GGA1: variants seen among roughly 807,000 people sequenced by gnomAD.
GGA1 encodes golgi associated, gamma adaptin ear containing, ARF binding protein 1.
GGA1 carries 18 observed loss-of-function variants against 76.9 expected under a neutral mutation model. The observed-to-expected ratio is 0.23, with a 90% confidence interval of 0.16 to 0.35. The LOEUF (loss-of-function observed/expected upper bound fraction) is 0.35. Ranked by LOEUF, GGA1 falls within the 10% of genes least tolerant of loss-of-function variation. GGA1 has a pLI of 1.00. For missense variants in GGA1, 755 were observed against 859.0 expected (o/e 0.88, Z 1.51); for synonymous variants, 342 against 354.7 (o/e 0.96, Z 0.40).
At chr22:37,611,226 A>C (rs937635215) in intron 1 of GGA1, among the ~76,000 whole-genome samples, 15 of 151,912 alleles carry the variant, frequency 9.9e-5, no homozygotes, top group African/African-American at 3.6e-4. Flanking sequence ...CATTTTTCTG[A>C]GGGACTAGAG....
Position 37,629,518 on chromosome 22 carries a change from A to G in GGA1, c.1150A>G (p.Ser384Gly). 2 of 1,578,210 alleles carry G rather than the reference A, an allele frequency of 1.3e-6. No homozygotes were observed. The highest frequency in any genetic ancestry group is 4.8e-5 in the East Asian group (2 of 41,896). Residue 384 changes from serine (S) to glycine (G), a missense_variant, in exon 12 of 17, where the codon AGC (serine) becomes GGC (glycine). Physicochemically the swap from Ser to Gly is moderately conservative, Grantham distance 56. Transcript: ENST00000343632. Reference protein sequence around the residue: ...GPSLDGTGWNSFQSSDATEPP... With the variant: ...GPSLDGTGWNGFQSSDATEPP... ...AAGCCTGGATGGTACCGGATGGAAC[A>G]GCTTCCAGGTAGGAGGGGACCACAA... is the stretch of plus-strand genomic sequence containing the variant.
intron 1 of GGA1, chr22:37,612,881 G>A (rs1927994490): frequency 9.2e-6 from 9 of 981,068 alleles, no homozygotes; most frequent in Non-Finnish European, 8.5e-6. Flanking sequence ...GGGGGTTAAA[G>A]GGGTAGCTGT....
Position 37,608,898 on chromosome 22 carries a change from G to C in GGA1, c.38G>C (p.Arg13Pro). Reference sequence around the variant, plus strand: ...ATGGAGCCGGAGACTCTGGAGGCGCGAATCAGTGAGTGTCCGGGAGGGGCG... The same window carrying C: ...ATGGAGCCGGAGACTCTGGAGGCGCCAATCAGTGAGTGTCCGGGAGGGGCG... ...PAMEPETLEA[R>P]INRATNPLNK... The change falls in exon 1 of 17, where the codon CGA (arginine) becomes CCA (proline). Residue 13 changes from arginine (R) to proline (P), a missense_variant. Physicochemically the swap from Arg to Pro is moderately radical, Grantham distance 103 (BLOSUM62 -2). Transcript: ENST00000343632. 7.6e-7 allele frequency: 1 copy of C among 1,314,428 alleles called. No individual in the cohort carries two copies. The highest frequency in any genetic ancestry group is 9.7e-7 in the Non-Finnish European group (1 of 1,031,478). 81.4% of individuals were successfully genotyped at this position (1,314,428 alleles called of 1,614,324 possible). A position where few individuals can be genotyped will look rare whatever the true frequency, so the allele number is the denominator to read the frequency against.
At chr22:37,609,335 C>T in intron 1 of GGA1, 1 of 1,099,484 alleles carries the variant, frequency 9.1e-7, no homozygotes, top group South Asian at 2.0e-5. Flanking sequence ...CTCTCTGGCC[C>T]TGCATGGCGT....
At chr22:37,619,070 T>C (rs978533493) in intron 4 of GGA1, among the ~76,000 whole-genome samples, 3 of 152,208 alleles carry the variant, frequency 2.0e-5, no homozygotes, top group African/African-American at 7.2e-5. Context: ...ACGTTTCTTT[T>C]TCTTTATTTT....
rs1929643142 is a variant in GGA1, at chr22:37,620,269, A to G, written c.335A>G (p.Lys112Arg). 3 of 1,613,796 alleles carry G rather than the reference A, an allele frequency of 1.9e-6. No individual in the cohort carries two copies. Among genetic ancestry groups the G allele is most frequent in the Admixed American group, 3.3e-5 (2 of 60,004 alleles). The change falls in exon 5 of 17, where the codon AAG (lysine) becomes AGG (arginine). Residue 112 changes from lysine to arginine, a missense_variant. By Grantham distance (26) the Lys-to-Arg change is conservative (BLOSUM62 2). Transcript: ENST00000343632. ...YLGSRTSEKV[K>R]NKILELLYSW... The stretch of plus-strand genomic sequence containing the variant: ...GGCTCTCGGACATCGGAGAAGGTGA[A>G]GAACAAGATCTTGGAGCTCCTCTAC...
Position 37,631,983 on chromosome 22 carries a change from C to G in GGA1, c.1529-13C>G. The G allele has an allele frequency of 6.3e-7, 1 of 1,595,774 alleles. No homozygotes were observed. The highest frequency in any genetic ancestry group is 8.6e-7 in the Non-Finnish European group (1 of 1,168,072). ...GCTCAGCTGTCCCATCGCCCTCCCA[C>G]CTTCTCCCACAGGCAACATCCTGCC... On this transcript the variant is annotated splice_polypyrimidine_tract_variant and intron_variant, in intron 14 of 16. Coordinates refer to ENST00000343632, the MANE Select transcript of GGA1 (RefSeq NM_013365.5).
At chr22:37,631,569 C>T (rs747947158) in intron 14 of GGA1, among the ~76,000 whole-genome samples, 8 of 152,208 alleles carry the variant, frequency 5.3e-5, no homozygotes, top group Non-Finnish European at 1.0e-4. Flanking sequence ...TGACCAAAGA[C>T]ACTACCCCCA....
chr22:37,623,387 A>G lies in GGA1; in HGVS notation c.670A>G (p.Asn224Asp), dbSNP rs762258420. 1.9e-6 allele frequency: 3 copies of G among 1,613,954 alleles called. No homozygotes were observed. The highest frequency in any genetic ancestry group is 2.2e-5 in the East Asian group (1 of 44,884). ...GAATGCCATCGAGGAGGTGAACAACAATGTGAAACTGCTCACGGAGATGGT... is the reference window on the plus strand; with the variant it reads ...GAATGCCATCGAGGAGGTGAACAACGATGTGAAACTGCTCACGGAGATGGT... ...RVNAIEEVNN[N>D]VKLLTEMVMS... The change falls in exon 8 of 17, where the codon AAT becomes GAT. Residue 224 changes from asparagine (N) to aspartate (D), a missense_variant. By Grantham distance (23) the Asn-to-Asp change is conservative (BLOSUM62 1). Transcript: ENST00000343632. The surrounding 1 kb of genome is among the most constrained non-coding windows in gnomAD (Gnocchi z 4.6).
chr22:37,618,147 TAGTA>T (rs1929162452), intron 3 of GGA1: 1 of 236,562 alleles, frequency 4.2e-6, no homozygotes, highest in Non-Finnish European at 7.7e-6. Flanking sequence ...AAAGGAAAAA[TAGTA>T]AGAAAATAAT....
chr22:37,632,696 C>A lies in GGA1; in HGVS notation c.1905C>A (p.Thr635=). 6.3e-7 allele frequency: 1 copy of A among 1,594,332 alleles called. No individual in the cohort carries two copies. The highest frequency in any genetic ancestry group is 8.6e-7 in the Non-Finnish European group (1 of 1,164,942). The change falls in exon 17 of 17, where the codon ACC becomes ACA. Residue 635 remains threonine (T), a synonymous_variant. Coordinates refer to ENST00000343632, the MANE Select transcript of GGA1 (RefSeq NM_013365.5). This position sits in a 1 kb window ranked among gnomAD's most constrained non-coding sequence, Gnocchi z 5.1. ...GDVDQFPPPE[T]WGSL ...TGGACCAGTTCCCCCCACCTGAAAC[C>A]TGGGGTAGCCTCTAGAACAGAGGGG...
At chr22:37,626,069 GA>G in intron 11 of GGA1, 120 bp downstream of exon 11, 2 of 720,430 alleles carry the variant, frequency 2.8e-6, no homozygotes, top group Admixed American at 5.9e-5. Context: ...GGGGCACGTG[GA>G]TGAGCATTAG....
intron 4 of GGA1, chr22:37,619,651 C>T (rs1929514331): frequency 1.7e-6 from 1 of 588,240 alleles, no homozygotes; most frequent in Non-Finnish European, 3.1e-6. Context: ...GCTGGGATTA[C>T]AGGCGTGAGC....
intron 13 of GGA1, 123 bp downstream of exon 13, chr22:37,630,293 A>G: frequency 1.4e-6 from 1 of 695,278 alleles, no homozygotes; most frequent in South Asian, 1.9e-5. Context: ...TTTTGTAAGC[A>G]GCAGATGCCA....
At chr22:37,613,357 A>G in intron 1 of GGA1, among the ~76,000 whole-genome samples, 1 of 151,876 alleles carries the variant, frequency 6.6e-6, no homozygotes, top group East Asian at 1.9e-4. Context: ...CAGCCTCCTC[A>G]GCCCCAAACT....
intron 1 of GGA1, 140 bp downstream of exon 1, chr22:37,609,043 C>A: frequency 6.9e-7 from 1 of 1,452,134 alleles, no homozygotes; most frequent in South Asian, 1.3e-5. Context: ...TGTCCTCAGT[C>A]GGCCCCTCAG....
At position 37,619,655 on chromosome 22, in the gene GGA1, C is replaced by T. The variant is rs547073731; in HGVS notation, c.304-583C>T. On this transcript the variant is annotated intron_variant, in intron 4 of 16. Coordinates refer to ENST00000343632, the MANE Select transcript of GGA1 (RefSeq NM_013365.5). ...CCTCCCAAAGTGCTGGGATTACAGG[C>T]GTGAGCCATGGCCTCCGGCCTACTG... The T allele has an allele frequency of 2.1e-3, 1,256 of 599,814 alleles. 8 individuals carry two copies. Among genetic ancestry groups the T allele is most frequent in the Middle Eastern group, 0.013 (49 of 3,866 alleles). The allele number at this position is 599,814 out of a possible 1,614,324, so 37.2% of individuals were successfully genotyped here.
chr22:37,620,111 A>G (rs904488802), intron 4 of GGA1, 127 bp from the exon 5 acceptor site: 14 of 1,010,766 alleles, frequency 1.4e-5, no homozygotes, highest in African/African-American at 4.8e-5. Flanking sequence ...GGGCGGGGCT[A>G]TGAGGACCCT....
intron 3 of GGA1, 80 bp downstream of exon 3, chr22:37,617,077 C>T (rs1928947456): frequency 6.5e-7 from 1 of 1,549,876 alleles, no homozygotes; most frequent in African/African-American, 1.4e-5. Context: ...TCTTGGGGTC[C>T]ATAAGGCTCT....
Sources: allele counts gnomAD v4.1 joint callset (sites outside exome capture counted in the v4.1 genomes callset), GRCh38; gene constraint gnomAD v4.1.1; non-coding constraint Gnocchi (gnomAD v3.1); transcripts MANE v1.5; gene names NCBI Gene and HGNC (gene_info 2026-07-23, HGNC 2026-07-21).